Variants in ECPAS observed in about 807,000 individuals in gnomAD.
ECPAS encodes the protein Ecm29 proteasome adaptor and scaffold.
Under a neutral mutation model 255.1 loss-of-function variants are expected in ECPAS, and 70 were observed. The ratio of observed to expected loss-of-function variants is 0.27; its 90% CI spans 0.23 to 0.33. The LOEUF (loss-of-function observed/expected upper bound fraction) is 0.33. ECPAS is among the 10% of genes least tolerant of loss of function. The pLI, the probability that ECPAS is intolerant of heterozygous loss-of-function variation, is 1.00. For synonymous variants in ECPAS, 784 were observed against 775.0 expected, an observed-to-expected ratio of 1.01 and a Z score of -0.19; for missense variants, 1,817 against 2,206.4, an observed-to-expected ratio of 0.82 and a Z score of 3.54.
At chr9:111,427,982 C>G in intron 10 of ECPAS, 60 bp downstream of exon 10, 1 of 1,511,634 alleles carries the variant, frequency 6.6e-7, no homozygotes, top group East Asian at 2.3e-5. Context: ...AGTTCTTTCT[C>G]TAATTAAATA....
Position 111,405,101 on chromosome 9 carries a change from G to A in ECPAS, c.2652+3470C>T, listed in dbSNP as rs368754539. Among the ~76,000 whole-genome samples, 23 of 149,610 alleles carry A rather than the reference G, an allele frequency of 1.5e-4. 3 individuals carry two copies. Among genetic ancestry groups the A allele is most frequent in the African/African-American group, 5.8e-4 (23 of 39,464 alleles). ...GAAACCACCAAAGACCCTGAATAATGAGCAAGAAATACTGAGCAAAAAGAA... is the reference window on the plus strand; with the variant it reads ...GAAACCACCAAAGACCCTGAATAATAAGCAAGAAATACTGAGCAAAAAGAA... On this transcript the variant is annotated intron_variant, in intron 24 of 49. Transcript: ENST00000684092.
rs2098113205 is a variant in ECPAS at position 111,361,489 on chromosome 9, G to A, written c.*541C>T. ...ACGTACCTCATCTTGGAAGTTTCTT[G>A]GGTAAGCCGGGGTTAGCACTGATTT... On this transcript the variant is annotated 3_prime_UTR_variant, in exon 50 of 50. Coordinates refer to ENST00000684092, the MANE Select transcript of ECPAS (RefSeq NM_001364929.1). 1 of 152,288 alleles carries A rather than the reference G, an allele frequency of 6.6e-6. No individual in the cohort carries two copies. Among genetic ancestry groups the A allele is most frequent in the African/African-American group, 2.4e-5 (1 of 41,452 alleles). 9.4% of individuals were successfully genotyped at this position (152,288 alleles called of 1,614,324 possible). A position where few individuals can be genotyped will look rare whatever the true frequency, so the allele number is the denominator to read the frequency against.
intron 35 of ECPAS, among the ~76,000 whole-genome samples, chr9:111,379,315 CAT>C (rs1226485004): frequency 6.6e-6 from 1 of 152,214 alleles, no homozygotes; most frequent in Non-Finnish European, 1.5e-5. Context: ...TTTACCAGTG[CAT>C]ATAGAAGTTT....
At chr9:111,429,328 C>T (rs2098226407) in intron 9 of ECPAS, among the ~76,000 whole-genome samples, 1 of 151,944 alleles carries the variant, frequency 6.6e-6, no homozygotes, top group East Asian at 1.9e-4. Flanking sequence ...GGTGACATGG[C>T]TTTGATATGT....
intron 49 of ECPAS, among the ~76,000 whole-genome samples, chr9:111,363,036 G>A (rs180929450): frequency 2.6e-4 from 39 of 152,186 alleles, no homozygotes; most frequent in African/African-American, 8.9e-4. Context: ...TTGAGAGAGA[G>A]AGAGAAAAAA....
chr9:111,400,666 A>G (rs2098174497), intron 24 of ECPAS, among the ~76,000 whole-genome samples: 1 of 152,220 alleles, frequency 6.6e-6, no homozygotes, highest in Non-Finnish European at 1.5e-5. Flanking sequence ...TCTCAACAGC[A>G]GAACTGATCA....
chr9:111,444,545 C>T, intron 3 of ECPAS, 51 bp from the exon 4 acceptor site: 1 of 1,210,666 alleles, frequency 8.3e-7, no homozygotes, highest in Non-Finnish European at 1.2e-6. Flanking sequence ...TCTTAAAAAC[C>T]ACTCATCTTA....
intron 9 of ECPAS, among the ~76,000 whole-genome samples, chr9:111,429,084 C>T (rs1345631622): frequency 6.6e-6 from 1 of 152,146 alleles, no homozygotes; most frequent in Non-Finnish European, 1.5e-5. Context: ...TAACTTTTAT[C>T]ATTGCCAATA....
intron 5 of ECPAS, 63 bp downstream of exon 5, chr9:111,442,243 A>C (rs1055982461): frequency 9.6e-7 from 1 of 1,039,686 alleles, no homozygotes; most frequent in African/African-American, 1.6e-5. Context: ...TATGTGAATT[A>C]ATATTTGAAA....
At chr9:111,409,992 C>A (rs1183482456) in intron 23 of ECPAS, 49 bp downstream of exon 23, 1 of 1,378,502 alleles carries the variant, frequency 7.3e-7, no homozygotes, top group Non-Finnish European at 1.0e-6. Context: ...CTCATGTATG[C>A]ATAGAAAGAC....
intron 9 of ECPAS, among the ~76,000 whole-genome samples, chr9:111,429,736 G>A (rs547874135): frequency 6.6e-6 from 1 of 152,298 alleles, no homozygotes; most frequent in South Asian, 2.1e-4. Flanking sequence ...AGGTGCAGTG[G>A]TGTGCACCTG....
Position 111,376,548 on chromosome 9 carries a change from A to G in ECPAS, c.3955-7T>C, listed in dbSNP as rs1423554662. On this transcript the variant is annotated splice_polypyrimidine_tract_variant and splice_region_variant and intron_variant, in intron 36 of 49. Coordinates refer to ENST00000684092, the MANE Select transcript of ECPAS (RefSeq NM_001364929.1). ...GAGCACTATCCATCGCAGCCTAAAGAAGAGAAATTAAAGTCACCCGGCACA... is the reference window on the plus strand; with the variant it reads ...GAGCACTATCCATCGCAGCCTAAAGGAGAGAAATTAAAGTCACCCGGCACA... 1.3e-6 allele frequency: 2 copies of G among 1,588,550 alleles called. No individual in the cohort carries two copies. Among genetic ancestry groups the G allele is most frequent in the Non-Finnish European group, 1.7e-6 (2 of 1,166,544 alleles).
chr9:111,409,405 C>T (rs2098190454), intron 23 of ECPAS, among the ~76,000 whole-genome samples: 2 of 151,882 alleles, frequency 1.3e-5, no homozygotes, highest in Admixed American at 1.3e-4. Context: ...ACTAAAAATA[C>T]AAAAATTAGC....
chr9:111,417,153 C>G (rs2098205112), intron 17 of ECPAS, among the ~76,000 whole-genome samples: 1 of 151,968 alleles, frequency 6.6e-6, no homozygotes, highest in African/African-American at 2.4e-5. Flanking sequence ...GAGGGTGGAT[C>G]ACTTGAGTCT....
chr9:111,416,179 A>G (rs1247310365), intron 18 of ECPAS, 93 bp downstream of exon 18: 8 of 890,728 alleles, frequency 9.0e-6, no homozygotes, highest in East Asian at 7.6e-5. Context: ...GGGTTTACCT[A>G]AAACACAACA....
At chr9:111,427,496 ATAGCATAGGTTAAG>A (rs966691463) in intron 10 of ECPAS, among the ~76,000 whole-genome samples, 16 of 152,366 alleles carry the variant, frequency 1.1e-4, no homozygotes, top group African/African-American at 3.1e-4. Context: ...GGAAGCCAAT[ATAGCATAGGTTAAG>A]TGTTCCTTAC....
chr9:111,452,320 C>G (rs2098261378), intron 2 of ECPAS, among the ~76,000 whole-genome samples: 1 of 152,070 alleles, frequency 6.6e-6, no homozygotes, highest in African/African-American at 2.4e-5. Flanking sequence ...TTCTAAAGAG[C>G]TAAAAATGTT....
chr9:111,378,214 T>G (rs2098135842), intron 36 of ECPAS, among the ~76,000 whole-genome samples: 1 of 152,082 alleles, frequency 6.6e-6, no homozygotes, highest in Non-Finnish European at 1.5e-5. Flanking sequence ...CCATTACACC[T>G]AAAAAGCAGA....
intron 6 of ECPAS, among the ~76,000 whole-genome samples, chr9:111,439,615 T>A (rs2098243059): frequency 6.6e-6 from 1 of 152,166 alleles, no homozygotes; most frequent in Non-Finnish European, 1.5e-5. Context: ...TCTTTCTTTC[T>A]TTTTTGAAGA....
Sources: gnomAD v4.1 joint callset for allele counts (sites outside exome capture counted in the v4.1 genomes callset) on GRCh38, gnomAD v4.1.1 for gene constraint, MANE v1.5 for transcripts, NCBI Gene and HGNC (gene_info 2026-07-23, HGNC 2026-07-21) for gene names.